Variants in SH3PXD2A observed in about 807,000 individuals in gnomAD.
SH3PXD2A encodes the protein SH3 and PX domains 2A, also known as SH3 and PX domain-containing protein 2A.
SH3PXD2A carries 32 observed loss-of-function variants against 115.2 expected under a neutral mutation model. The observed-to-expected ratio is 0.28, with a 90% CI of 0.21 to 0.37. The LOEUF (loss-of-function observed/expected upper bound fraction) is 0.37, where lower values mean the gene tolerates loss of function less well. SH3PXD2A is among the 10% of genes least tolerant of loss of function. The pLI is 1.00. For synonymous variants in SH3PXD2A, 610 were observed against 629.1 expected (o/e 0.97, Z 0.45); for missense variants, 1,328 against 1,498.7 (o/e 0.89, Z 1.88).
At chr10:103,636,556 C>G (rs1592274952) in intron 8 of SH3PXD2A, among the ~76,000 whole-genome samples, 1 of 152,058 alleles carries the variant, frequency 6.6e-6, no homozygotes, top group East Asian at 1.9e-4. Flanking sequence ...AATGGGGGAG[C>G]CTGACTGAGG....
rs570726945 is a variant in SH3PXD2A at position 103,719,892 on chromosome 10, G to GT, written c.398+4377dup. ...GTGCCACCACGCCTGGCTAATTTTT[G>GT]TATTTTTAGCAGAAATGGGGTTTTG... On this transcript the variant is annotated intron_variant, in intron 5 of 14. Coordinates refer to ENST00000369774, the MANE Select transcript of SH3PXD2A (RefSeq NM_001394015.1). Among the ~76,000 whole-genome samples, 24 of 152,038 alleles carry GT rather than the reference G, an allele frequency of 1.6e-4. No individual in the cohort carries two copies. In the South Asian group the frequency reaches 4.8e-3, roughly 30 times the overall value.
At chr10:103,645,105 G>A (rs566783311) in intron 8 of SH3PXD2A, among the ~76,000 whole-genome samples, 3 of 152,262 alleles carry the variant, frequency 2.0e-5, no homozygotes, top group Admixed American at 6.5e-5. Context: ...CCTAACTCAA[G>A]GCTCCCCCAT....
intron 8 of SH3PXD2A, among the ~76,000 whole-genome samples, chr10:103,660,714 G>A (rs1435430860): frequency 1.3e-5 from 2 of 152,236 alleles, no homozygotes; most frequent in African/African-American, 4.8e-5. Flanking sequence ...CAGCAGGGCT[G>A]GCCATTTATT....
At chr10:103,765,143 C>T (rs2038740511) in intron 3 of SH3PXD2A, among the ~76,000 whole-genome samples, 1 of 152,166 alleles carries the variant, frequency 6.6e-6, no homozygotes, top group Non-Finnish European at 1.5e-5. Flanking sequence ...TGCAACTTCT[C>T]TGTATTGGTA....
intron 1 of SH3PXD2A, among the ~76,000 whole-genome samples, chr10:103,837,175 CAGG>C (rs2039553188): frequency 1.3e-5 from 2 of 152,294 alleles, no homozygotes; most frequent in South Asian, 4.1e-4. Context: ...TTTACCTACT[CAGG>C]AAATTGCCCT....
chr10:103,628,767 G>C (rs139108297), intron 8 of SH3PXD2A, among the ~76,000 whole-genome samples: 107 of 152,300 alleles, frequency 7.0e-4, no homozygotes, highest in African/African-American at 2.5e-3. Context: ...GCCTGGGCCA[G>C]TGAGTCACAA....
At chr10:103,712,873 A>T in intron 5 of SH3PXD2A, among the ~76,000 whole-genome samples, 1 of 152,130 alleles carries the variant, frequency 6.6e-6, no homozygotes, top group East Asian at 1.9e-4. Context: ...GTGGACTTGG[A>T]GCTGAAGGGC....
chr10:103,690,352 G>T (rs956305001), intron 6 of SH3PXD2A, among the ~76,000 whole-genome samples: 1 of 152,200 alleles, frequency 6.6e-6, no homozygotes, highest in Non-Finnish European at 1.5e-5. Flanking sequence ...CAGAGAAACA[G>T]AACCAATGGG....
chr10:103,672,089 A>G (rs1410295473), intron 6 of SH3PXD2A, among the ~76,000 whole-genome samples: 1 of 152,196 alleles, frequency 6.6e-6, no homozygotes. Flanking sequence ...GTTCGAGACC[A>G]GCCTGGCCAA....
chr10:103,851,802 A>C (rs1564904551), intron 1 of SH3PXD2A, among the ~76,000 whole-genome samples: 1 of 152,180 alleles, frequency 6.6e-6, no homozygotes, highest in Non-Finnish European at 1.5e-5. Context: ...CAGAACATTC[A>C]TGATTGGTAT....
chr10:103,671,429 G>GT (rs1056175303), intron 6 of SH3PXD2A, among the ~76,000 whole-genome samples: 45 of 152,164 alleles, frequency 3.0e-4, no homozygotes, highest in African/African-American at 9.4e-4. Context: ...AGGCCTTCCC[G>GT]TATCTCTCCG....
chr10:103,827,404 A>T (rs553321833), intron 1 of SH3PXD2A, among the ~76,000 whole-genome samples: 1 of 152,264 alleles, frequency 6.6e-6, no homozygotes, highest in Admixed American at 6.5e-5. Context: ...CTATCATGGT[A>T]TCATGCAAAG....
At chr10:103,707,103 C>T (rs2037990398) in intron 5 of SH3PXD2A, among the ~76,000 whole-genome samples, 1 of 152,196 alleles carries the variant, frequency 6.6e-6, no homozygotes, top group African/African-American at 2.4e-5. Flanking sequence ...CACCCCTCTC[C>T]CTGACAGGGC....
At chr10:103,824,040 C>T (rs2039405991) in intron 1 of SH3PXD2A, among the ~76,000 whole-genome samples, 1 of 152,224 alleles carries the variant, frequency 6.6e-6, no homozygotes, top group Non-Finnish European at 1.5e-5. Flanking sequence ...TCCCCAACCC[C>T]TGGGAGGAAA....
chr10:103,808,327 C>T (rs1313269344), intron 1 of SH3PXD2A, among the ~76,000 whole-genome samples: 1 of 151,912 alleles, frequency 6.6e-6, no homozygotes, highest in Non-Finnish European at 1.5e-5. Flanking sequence ...TCTCAGCTCA[C>T]TGCAACCTCC....
chr10:103,603,425 AGAG>A lies in SH3PXD2A; in HGVS notation c.1790_1792del (p.Ser597del), dbSNP rs2036250996. The stretch of plus-strand genomic sequence containing the variant: ...ACCCACCTTGAAGCGGGCCCGCTGC[AGAG>A]AAGAGGCCGGCGAGGGCCGGTGGGG... On this transcript the variant is annotated inframe_deletion, in exon 15 of 15. Transcript: ENST00000369774. 6.2e-7 allele frequency: 1 copy of A among 1,613,970 alleles called. No individual in the cohort carries two copies. Among genetic ancestry groups the A allele is most frequent in the African/African-American group, 1.3e-5 (1 of 75,066 alleles).
intron 3 of SH3PXD2A, among the ~76,000 whole-genome samples, chr10:103,760,576 A>G (rs1023172902): frequency 1.5e-5 from 1 of 64,868 alleles, no homozygotes; most frequent in African/African-American, 8.4e-5. Flanking sequence ...TCTCAAAAAG[A>G]TATATATATG....
chr10:103,595,926 G>T lies in SH3PXD2A; in HGVS notation c.*5890C>A, dbSNP rs186037123. On this transcript the variant is annotated 3_prime_UTR_variant, in exon 15 of 15. Coordinates refer to ENST00000369774, the MANE Select transcript of SH3PXD2A (RefSeq NM_001394015.1). ...GGGCTGTTTTTCCCCAAAGCTGTGG[G>T]TCACTGATCCTGTCTTCTCACTGGC... 6.6e-6 allele frequency: 1 copy of T among 152,622 alleles called. No individual in the cohort carries two copies. The highest frequency in any genetic ancestry group is 2.4e-5 in the African/African-American group (1 of 41,436). 9.5% of individuals were successfully genotyped at this position (152,622 alleles called of 1,614,324 possible).
At chr10:103,622,281 C>T (rs1216146573) in intron 10 of SH3PXD2A, among the ~76,000 whole-genome samples, 189 bp downstream of exon 10, 2 of 152,200 alleles carry the variant, frequency 1.3e-5, no homozygotes, top group African/African-American at 4.8e-5. Flanking sequence ...AGAGCCACCC[C>T]CAGTGCCACC....
Sources: gnomAD v4.1 joint callset for allele counts (sites outside exome capture counted in the v4.1 genomes callset) on GRCh38, gnomAD v4.1.1 for gene constraint, MANE v1.5 for transcripts, NCBI Gene and HGNC (gene_info 2026-07-23, HGNC 2026-07-21) for gene names.